UNC13C: variants seen among roughly 807,000 people sequenced by gnomAD.
UNC13C encodes the protein protein unc-13 homolog C.
Under a neutral mutation model 245.4 loss-of-function variants are expected in UNC13C, and 174 were observed. The ratio of observed to expected loss-of-function variants is 0.71; its 90% CI spans 0.63 to 0.80. The LOEUF is 0.80. UNC13C is among the 30% of genes least tolerant of loss of function. The pLI, the probability that UNC13C is intolerant of heterozygous loss-of-function variation, is 0.00. For synonymous variants in UNC13C, 992 were observed against 895.1 expected (o/e 1.11, Z -1.93); for missense variants, 2,829 against 2,602.9 (o/e 1.09, Z -1.89).
intron 18 of UNC13C, among the ~76,000 whole-genome samples, chr15:54,402,377 A>T (rs1351324232): frequency 6.6e-6 from 1 of 152,198 alleles, no homozygotes; most frequent in Non-Finnish European, 1.5e-5. Flanking sequence ...TAAGTGCATA[A>T]GGGTACTGCC....
chr15:54,002,468 A>G (rs1894941817), intron 1 of UNC13C, among the ~76,000 whole-genome samples: 1 of 152,166 alleles, frequency 6.6e-6, no homozygotes, highest in African/African-American at 2.4e-5. Context: ...AATAAGAGAC[A>G]GAGTAGACCT....
intron 27 of UNC13C, 86 bp downstream of exon 27, chr15:54,546,931 T>G (rs371844370): frequency 1.2e-5 from 14 of 1,209,736 alleles, no homozygotes; most frequent in Non-Finnish European, 1.6e-5. Context: ...GAAATACTAA[T>G]TAAATCCCTT....
chr15:54,317,326 G>A (rs541158755), intron 13 of UNC13C, among the ~76,000 whole-genome samples: 18 of 151,896 alleles, frequency 1.2e-4, no homozygotes, highest in African/African-American at 2.9e-4. Context: ...TTTACATGAC[G>A]TTTCCTGAAT....
Position 54,532,944 on chromosome 15 carries a change from A to T in UNC13C, c.5574A>T (p.Ile1858=), listed in dbSNP as rs770659872. ...TCCAGGTTATAATTGAAGAGTGTAT[A>T]AAACAGATGAGTTTCGAACTAAATC... The part of the protein sequence containing the change: ...ESFQVIIEEC[I]KQMSFELNQM... Residue 1858 remains isoleucine, a synonymous_variant, in exon 26 of 33, where the codon ATA becomes ATT. Transcript: ENST00000260323. 2 of 1,577,122 alleles carry T rather than the reference A, an allele frequency of 1.3e-6. No homozygotes were observed. Among genetic ancestry groups the T allele is most frequent in the East Asian group, 4.6e-5 (2 of 43,948 alleles).
chr15:53,933,347 A>G, the UNC13C span, among the ~76,000 whole-genome samples: 11 of 152,282 alleles, frequency 7.2e-5, no homozygotes, highest in African/African-American at 2.6e-4. Flanking sequence ...ACATCAACAT[A>G]TGCATATATA....
At chr15:54,407,234 T>A (rs947038692) in intron 18 of UNC13C, among the ~76,000 whole-genome samples, 1 of 152,088 alleles carries the variant, frequency 6.6e-6, no homozygotes, top group Non-Finnish European at 1.5e-5. Flanking sequence ...ATAAACTAAT[T>A]GATTAGTGCA....
chr15:54,219,511 G>A (rs1461328480), intron 4 of UNC13C, among the ~76,000 whole-genome samples: 2 of 149,002 alleles, frequency 1.3e-5, no homozygotes, highest in South Asian at 4.3e-4. Flanking sequence ...AGCAAACCTA[G>A]GCATTACCAT....
chr15:53,941,790 C>T, the UNC13C span, among the ~76,000 whole-genome samples: 5 of 151,822 alleles, frequency 3.3e-5, no homozygotes, highest in Non-Finnish European at 7.4e-5. Context: ...TTCATGGGGC[C>T]AAATATATGA....
At chr15:54,262,337 C>G (rs1007903451) in intron 8 of UNC13C, among the ~76,000 whole-genome samples, 2 of 152,188 alleles carry the variant, frequency 1.3e-5, no homozygotes, top group African/African-American at 2.4e-5. Flanking sequence ...TATGACATTT[C>G]TAACCTTTAG....
intron 30 of UNC13C, among the ~76,000 whole-genome samples, chr15:54,575,641 A>G (rs1355480797): frequency 2.6e-5 from 4 of 152,126 alleles, no homozygotes; most frequent in African/African-American, 9.7e-5. Context: ...TCTGGAAAAA[A>G]TGCTGAGAAA....
At chr15:54,318,886 TTAAG>T (rs1474728976) in intron 13 of UNC13C, among the ~76,000 whole-genome samples, 4 of 152,076 alleles carry the variant, frequency 2.6e-5, no homozygotes, top group East Asian at 3.9e-4. Flanking sequence ...TGTGAATGCC[TTAAG>T]TAAGTTATTC....
At chr15:54,620,239 T>A (rs535593722) in intron 30 of UNC13C, among the ~76,000 whole-genome samples, 2 of 152,216 alleles carry the variant, frequency 1.3e-5, no homozygotes, top group Admixed American at 1.3e-4. Flanking sequence ...CTGACGTCAA[T>A]ATAACCCTCA....
At chr15:54,163,300 C>T (rs1445831171) in intron 4 of UNC13C, among the ~76,000 whole-genome samples, 2 of 151,998 alleles carry the variant, frequency 1.3e-5, no homozygotes, top group African/African-American at 4.8e-5. Flanking sequence ...ACCTCTGGAG[C>T]AGGAAAAGAC....
In UNC13C at chr15:54,627,112, G is replaced by C; in HGVS notation, c.6644G>C (p.Ter2215SerextTer9). 1 of 1,606,240 alleles carries C rather than the reference G, an allele frequency of 6.2e-7. No individual in the cohort carries two copies. Among genetic ancestry groups the C allele is most frequent in the Non-Finnish European group, 8.5e-7 (1 of 1,175,604 alleles). The change falls in exon 33 of 33, where the codon TGA (stop) becomes TCA (serine). Residue 2215 changes from the stop codon to serine, a stop_lost. Transcript: ENST00000260323. Reference protein sequence around the residue: ...SETRSTEESA* With the variant: ...SETRSTEESAS ...ACAAGATCTACTGAAGAGAGTGCTT[G>C]AAACAAACACTGCAAGCTAAATACA...
chr15:53,888,743 G>T, the UNC13C span, among the ~76,000 whole-genome samples: 1 of 152,112 alleles, frequency 6.6e-6, no homozygotes, highest in South Asian at 2.1e-4. Context: ...GTAAGGAAGG[G>T]CTCACGTTTC....
chr15:54,376,549 G>A (rs186829480), intron 17 of UNC13C, among the ~76,000 whole-genome samples: 15 of 152,304 alleles, frequency 9.8e-5, no homozygotes, highest in Admixed American at 7.8e-4. Context: ...AAATCAGTCT[G>A]ACTGATACTC....
chr15:54,582,306 G>A (rs914342203), intron 30 of UNC13C, among the ~76,000 whole-genome samples: 3 of 152,100 alleles, frequency 2.0e-5, no homozygotes, highest in Non-Finnish European at 2.9e-5. Context: ...TGACGAAAGT[G>A]TGGAAGCTTA....
chr15:54,081,882 T>C (rs1241522381), intron 2 of UNC13C, among the ~76,000 whole-genome samples: 2 of 152,196 alleles, frequency 1.3e-5, no homozygotes, highest in Non-Finnish European at 2.9e-5. Flanking sequence ...ATGGGATCTG[T>C]GAACTTTGTA....
chr15:54,513,817 C>A (rs1334371984), intron 24 of UNC13C, among the ~76,000 whole-genome samples: 1 of 151,710 alleles, frequency 6.6e-6, no homozygotes, highest in African/African-American at 2.4e-5. Context: ...TTTTTCATTT[C>A]TTTCCTTCCT....
Sources: gnomAD v4.1 joint callset for allele counts (sites outside exome capture counted in the v4.1 genomes callset) on GRCh38, gnomAD v4.1.1 for gene constraint, MANE v1.5 for transcripts, NCBI Gene and HGNC (gene_info 2026-07-23, HGNC 2026-07-21) for gene names.